CAPS: variants seen among roughly 807,000 people sequenced by gnomAD.
CAPS encodes calcyphosine, also known as calcyphosin.
Under a neutral mutation model 15.5 loss-of-function variants are expected in CAPS, and 16 were observed. That is an observed-to-expected ratio of 1.03 (90% CI 0.70 to 1.57). The LOEUF is 1.57. CAPS is among the 40% of genes most tolerant of loss of function. The pLI is 0.00. For missense variants in CAPS, 294 were observed against 278.4 expected (o/e 1.06, Z -0.40); for synonymous variants, 121 against 116.0 (o/e 1.04, Z -0.28).
In CAPS at chr19:5,914,318, C is replaced by G; in HGVS notation, c.-23+9C>G. ...GGACAGACGCAGGCCAGGTGAGCATCTGAACAAGGGGCAGTCGGCCAGGGT... is the reference window on the plus strand; with the variant it reads ...GGACAGACGCAGGCCAGGTGAGCATGTGAACAAGGGGCAGTCGGCCAGGGT... On this transcript the variant is annotated intron_variant, in intron 1 of 4. Coordinates refer to ENST00000588776, the MANE Select transcript of CAPS (RefSeq NM_004058.5). The G allele has an allele frequency of 6.2e-7, 1 of 1,611,760 alleles. No homozygotes were observed. The highest frequency in any genetic ancestry group is 8.5e-7 in the Non-Finnish European group (1 of 1,179,424).
Position 5,914,284 on chromosome 19 carries a change from A to G in CAPS, c.-48A>G, listed in dbSNP as rs1340534422. On this transcript the variant is annotated 5_prime_UTR_variant, in exon 1 of 5. Transcript: ENST00000588776. ...ACAGCTAACACAAGGCCCCGCAGGC[A>G]GGACTCTGGGACAGACGCAGGCCAG... is the stretch of plus-strand genomic sequence containing the variant. 12 of 1,583,894 alleles carry G rather than the reference A, an allele frequency of 7.6e-6. No individual in the cohort carries two copies. The highest frequency in any genetic ancestry group is 1.4e-5 in the African/African-American group (1 of 73,944).
At position 5,915,465 on chromosome 19, in the gene CAPS, G is replaced by C; in HGVS notation, c.*143G>C. ...TGGGGGAATGGAGGCTGCAGGACTG[G>C]CTAGACCAGGTCCCTGCCGGTCCAC... is the stretch of plus-strand genomic sequence containing the variant. On this transcript the variant is annotated 3_prime_UTR_variant, in exon 5 of 5. Coordinates refer to ENST00000588776, the MANE Select transcript of CAPS (RefSeq NM_004058.5). The C allele has an allele frequency of 1.6e-6, 1 of 634,816 alleles. No individual in the cohort carries two copies. Among genetic ancestry groups the C allele is most frequent in the Non-Finnish European group, 2.7e-6 (1 of 368,368 alleles). The allele number at this position is 634,816 out of a possible 1,614,324, so 39.3% of individuals were successfully genotyped here. A position where few individuals can be genotyped will look rare whatever the true frequency, so the allele number is the denominator to read the frequency against.
Position 5,914,581 on chromosome 19 carries a change from C to G in CAPS, c.102C>G (p.Asp34Glu). The G allele has an allele frequency of 6.2e-7, 1 of 1,608,784 alleles. No homozygotes were observed. Among genetic ancestry groups the G allele is most frequent in the Non-Finnish European group, 8.5e-7 (1 of 1,176,280 alleles). The change falls in exon 3 of 5, where the codon GAC becomes GAG. Residue 34 changes from aspartate (D) to glutamate (E), a missense_variant. Physicochemically the swap from Asp to Glu is conservative, Grantham distance 45 (BLOSUM62 2). Transcript: ENST00000588776. Reference sequence around the variant, plus strand: ...CCTCCAGGTTTTTCCGCCAACTAGACCGGGACGGGAGCAGATCCCTGGACG... The same window carrying G: ...CCTCCAGGTTTTTCCGCCAACTAGAGCGGGACGGGAGCAGATCCCTGGACG... ...QGLARFFRQL[D>E]RDGSRSLDAD... is the part of the protein sequence containing the mutation.
intron 4 of CAPS, 34 bp from the exon 5 acceptor site, chr19:5,915,187 T>C (rs542257305): frequency 5.6e-6 from 9 of 1,611,026 alleles, no homozygotes; most frequent in Non-Finnish European, 7.6e-6. Context: ...AGGCAGTTCC[T>C]CGGCCGTGCC....
rs2245651 is a variant in CAPS at position 5,915,872 on chromosome 19, T to C, written c.*550T>C. 111,553 of 153,840 alleles carry C rather than the reference T, an allele frequency of 0.73. 40,733 individuals are homozygous for C. The highest frequency in any genetic ancestry group is 0.8 in the Admixed American group (12,589 of 15,694). The allele number at this position is 153,840 out of a possible 1,614,324, so 9.5% of individuals were successfully genotyped here. On this transcript the variant is annotated 3_prime_UTR_variant, in exon 5 of 5. Coordinates refer to ENST00000588776, the MANE Select transcript of CAPS (RefSeq NM_004058.5). ...TGGGGAATAAAAATAGCAGGTAACA[T>C]GTCCAGCGGGCCCAGTATCTACATT...
rs2057718642 is a variant in CAPS, at chr19:5,914,908, CCACCACCCCCAGT to C, written c.262-24_262-12del. Reference sequence around the variant, plus strand: ...CGTCTTGGGGGTTTGGGTGTGCTACCCACCACCCCCAGTCACCACCTCCTGTCCCAGCCCCCCA... The same window carrying C: ...CGTCTTGGGGGTTTGGGTGTGCTACCCACCACCTCCTGTCCCAGCCCCCCA... On this transcript the variant is annotated intron_variant, in intron 3 of 4. Coordinates refer to ENST00000588776, the MANE Select transcript of CAPS (RefSeq NM_004058.5). The C allele has an allele frequency of 6.3e-7, 1 of 1,580,016 alleles. No individual in the cohort carries two copies. Among genetic ancestry groups the C allele is most frequent in the East Asian group, 2.2e-5 (1 of 44,780 alleles).
In CAPS at chr19:5,914,744, A is replaced by G. The variant is rs750667426; in HGVS notation, c.261+4A>G. ...GGAGTTCCTTCGGGCGCTGCGGGTG[A>G]GCCCCCACCTCACAGTCAAGGCGTG... On this transcript the variant is annotated splice_donor_region_variant and intron_variant, in intron 3 of 4. Transcript: ENST00000588776. The G allele has an allele frequency of 6.2e-7, 1 of 1,604,640 alleles. No homozygotes were observed. Among genetic ancestry groups the G allele is most frequent in the African/African-American group, 1.3e-5 (1 of 74,860 alleles).
Position 5,914,959 on chromosome 19 carries a change from G to A in CAPS, c.281G>A (p.Arg94Gln), listed in dbSNP as rs375700493. ...RALRPPMSQAREAVIAAAFAK... is the reference protein window; with the variant it reads ...RALRPPMSQAQEAVIAAAFAK... The stretch of plus-strand genomic sequence containing the variant: ...TCCCAGCCCCCCATGTCCCAGGCCC[G>A]GGAGGCTGTCATCGCAGCTGCATTT... The change falls in exon 4 of 5, where the codon CGG (arginine) becomes CAG (glutamine). Residue 94 changes from arginine (R) to glutamine (Q), a missense_variant. Physicochemically the swap from Arg to Gln is conservative, Grantham distance 43. Transcript: ENST00000588776. 218 of 1,606,744 alleles carry A rather than the reference G, an allele frequency of 1.4e-4. No individual in the cohort carries two copies. In the Middle Eastern group the frequency reaches 2.4e-3, roughly 17 times the overall value.
chr19:5,915,200 C>T (rs374114450), intron 4 of CAPS, 21 bp from the exon 5 acceptor site: 2 of 1,610,566 alleles, frequency 1.2e-6, no homozygotes, highest in Non-Finnish European at 1.7e-6. Flanking sequence ...GCCGTGCCCC[C>T]TCACGGCCCT....
Position 5,915,360 on chromosome 19 carries a change from T to C in CAPS, c.*38T>C. 1 of 1,456,110 alleles carries C rather than the reference T, an allele frequency of 6.9e-7. No individual in the cohort carries two copies. Among genetic ancestry groups the C allele is most frequent in the Non-Finnish European group, 9.4e-7 (1 of 1,064,154 alleles). 90.2% of individuals were successfully genotyped at this position (1,456,110 alleles called of 1,614,324 possible). On this transcript the variant is annotated 3_prime_UTR_variant, in exon 5 of 5. Coordinates refer to ENST00000588776, the MANE Select transcript of CAPS (RefSeq NM_004058.5). ...CAGCCCTGCTGCCCTGGCCTGTCAC[T>C]CCCCACCCCTGCCGGAGACCTCCCT... is the stretch of plus-strand genomic sequence containing the variant.
rs376833140 is a variant in CAPS, at chr19:5,915,166, G to C, written c.468+20G>C. On this transcript the variant is annotated intron_variant, in intron 4 of 4. Transcript: ENST00000588776. Reference sequence around the variant, plus strand: ...GGGCAGGTGGGTGGCTGCGCGGGGGGCCCCCTCCCCAGGCAGTTCCTCGGC... The same window carrying C: ...GGGCAGGTGGGTGGCTGCGCGGGGGCCCCCCTCCCCAGGCAGTTCCTCGGC... 1.2e-6 allele frequency: 2 copies of C among 1,611,550 alleles called. No homozygotes were observed. Among genetic ancestry groups the C allele is most frequent in the South Asian group, 1.1e-5 (1 of 91,006 alleles).
rs2057719676 is a variant in CAPS at position 5,914,974 on chromosome 19, C to G, written c.296C>G (p.Ala99Gly). Residue 99 changes from alanine (A) to glycine (G), a missense_variant, in exon 4 of 5, where the codon GCA becomes GGA. Ala to Gly is a moderately conservative substitution (Grantham distance 60). Transcript: ENST00000588776. ...TCCCAGGCCCGGGAGGCTGTCATCGCAGCTGCATTTGCCAAGCTGGACCGC... is the reference window on the plus strand; with the variant it reads ...TCCCAGGCCCGGGAGGCTGTCATCGGAGCTGCATTTGCCAAGCTGGACCGC... ...PMSQAREAVIAAAFAKLDRSG... is the reference protein window; with the variant it reads ...PMSQAREAVIGAAFAKLDRSG... 6.2e-7 allele frequency: 1 copy of G among 1,609,134 alleles called. No individual in the cohort carries two copies. Among genetic ancestry groups the G allele is most frequent in the African/African-American group, 1.3e-5 (1 of 74,934 alleles).
intron 3 of CAPS, 85 bp downstream of exon 3, chr19:5,914,825 C>T (rs2144982862): frequency 1.3e-6 from 2 of 1,543,116 alleles, no homozygotes; most frequent in South Asian, 1.2e-5. Context: ...GGACTCCTCC[C>T]TAAGAGCTGC....
In CAPS at chr19:5,915,427, G is replaced by A. The variant is rs143376563; in HGVS notation, c.*105G>A. ...CTCCTGGGCAGCCACACCACAGAGC[G>A]GGGAGGGGCAGGTGGGGGAATGGAG... On this transcript the variant is annotated 3_prime_UTR_variant, in exon 5 of 5. Coordinates refer to ENST00000588776, the MANE Select transcript of CAPS (RefSeq NM_004058.5). 1.0e-5 allele frequency: 8 copies of A among 800,216 alleles called. No individual in the cohort carries two copies. The highest frequency in any genetic ancestry group is 2.7e-5 in the Admixed American group (1 of 37,694). 49.6% of individuals were successfully genotyped at this position (800,216 alleles called of 1,614,324 possible).
In CAPS at chr19:5,915,604, C is replaced by A; in HGVS notation, c.*282C>A. On this transcript the variant is annotated 3_prime_UTR_variant, in exon 5 of 5. Coordinates refer to ENST00000588776, the MANE Select transcript of CAPS (RefSeq NM_004058.5). ...AGAGATCTTGCAGCCCCTGTGGATG[C>A]CCCCGCCGAGGTCCCCCGATCCCCG... 2.7e-6 allele frequency: 1 copy of A among 368,494 alleles called. No individual in the cohort carries two copies. The highest frequency in any genetic ancestry group is 4.2e-5 in the Admixed American group (1 of 23,844). 22.8% of individuals were successfully genotyped at this position (368,494 alleles called of 1,614,324 possible).
chr19:5,914,676 G>A lies in CAPS; in HGVS notation c.197G>A (p.Cys66Tyr). Residue 66 changes from cysteine to tyrosine, a missense_variant, in exon 3 of 5, where the codon TGC becomes TAC. Transcript: ENST00000588776. ...VLDQAEAEGV[C>Y]RKWDRNGSGT... The stretch of plus-strand genomic sequence containing the variant: ...GACCAGGCGGAGGCAGAGGGTGTGT[G>A]CAGGAAGTGGGACCGCAATGGCAGC... The A allele has an allele frequency of 6.2e-7, 1 of 1,614,080 alleles. No homozygotes were observed. The highest frequency in any genetic ancestry group is 1.1e-5 in the South Asian group (1 of 91,086).
rs144239364 is a variant in CAPS, at chr19:5,914,580, A to G, written c.101A>G (p.Asp34Gly). 52 of 1,608,428 alleles carry G rather than the reference A, an allele frequency of 3.2e-5. No individual in the cohort carries two copies. The Admixed American group carries it at 4.9e-4, about 15-fold the overall frequency. The change falls in exon 3 of 5, where the codon GAC (aspartate) becomes GGC (glycine). Residue 34 changes from aspartate to glycine, a missense_variant. Asp to Gly is a moderately conservative substitution (Grantham distance 94). Coordinates refer to ENST00000588776, the MANE Select transcript of CAPS (RefSeq NM_004058.5). ...QGLARFFRQL[D>G]RDGSRSLDAD... ...GCCTCCAGGTTTTTCCGCCAACTAGACCGGGACGGGAGCAGATCCCTGGAC... is the reference window on the plus strand; with the variant it reads ...GCCTCCAGGTTTTTCCGCCAACTAGGCCGGGACGGGAGCAGATCCCTGGAC...
rs2057723525 is a variant in CAPS, at chr19:5,915,202, C to CA, written c.469-18dup. The CA allele has an allele frequency of 1.2e-6, 2 of 1,611,822 alleles. No homozygotes were observed. The highest frequency in any genetic ancestry group is 1.3e-5 in the African/African-American group (1 of 75,024). On this transcript the variant is annotated intron_variant, in intron 4 of 4. Transcript: ENST00000588776. Reference sequence around the variant, plus strand: ...AGGCAGTTCCTCGGCCGTGCCCCCTCACGGCCCTCTGTTCCCAGGTCACAC... The same window carrying CA: ...AGGCAGTTCCTCGGCCGTGCCCCCTCAACGGCCCTCTGTTCCCAGGTCACAC...
rs1268332221 is a variant in CAPS at position 5,914,302 on chromosome 19, C to T, written c.-30C>T. The T allele has an allele frequency of 1.2e-6, 2 of 1,604,572 alleles. No individual in the cohort carries two copies. Among genetic ancestry groups the T allele is most frequent in the South Asian group, 2.2e-5 (2 of 89,986 alleles). Reference sequence around the variant, plus strand: ...CGCAGGCAGGACTCTGGGACAGACGCAGGCCAGGTGAGCATCTGAACAAGG... The same window carrying T: ...CGCAGGCAGGACTCTGGGACAGACGTAGGCCAGGTGAGCATCTGAACAAGG... On this transcript the variant is annotated 5_prime_UTR_variant, in exon 1 of 5. Coordinates refer to ENST00000588776, the MANE Select transcript of CAPS (RefSeq NM_004058.5).
Sources: allele counts gnomAD v4.1 joint callset, GRCh38; gene constraint gnomAD v4.1.1; transcripts MANE v1.5; gene names NCBI Gene and HGNC (gene_info 2026-07-23, HGNC 2026-07-21).